Variants in ELF1 observed in about 807,000 individuals in gnomAD.
ELF1 encodes the protein E74 like ETS transcription factor 1.
Under a neutral mutation model 59.9 loss-of-function variants are expected in ELF1, and 24 were observed. The observed-to-expected ratio is 0.40, with a 90% CI of 0.29 to 0.56. The LOEUF (loss-of-function observed/expected upper bound fraction) is 0.56. Ranked by LOEUF, ELF1 falls within the 20% of genes least tolerant of loss-of-function variation. The pLI, the probability that ELF1 is intolerant of heterozygous loss-of-function variation, is 0.44. For synonymous variants in ELF1, 248 were observed against 266.2 expected (o/e 0.93, Z 0.67); for missense variants, 627 against 742.2 (o/e 0.84, Z 1.80).
intron 8 of ELF1, 119 bp from the exon 9 acceptor site, chr13:40,934,147 A>G (rs1323489545): frequency 7.5e-7 from 1 of 1,339,514 alleles, no homozygotes; most frequent in Admixed American, 2.6e-5. Context: ...GCTGCTTCCC[A>G]TATTTTCAAC....
At chr13:40,982,521 G>A (rs1488239109) in intron 1 of ELF1, among the ~76,000 whole-genome samples, 1 of 145,584 alleles carries the variant, frequency 6.9e-6, no homozygotes, top group Non-Finnish European at 1.5e-5. Context: ...CCACTCTCCA[G>A]TTAAACTACT....
intron 2 of ELF1, among the ~76,000 whole-genome samples, chr13:40,960,258 CCTTTTAAAAAGTTAAAAAAAAAT>C (rs1440994375): frequency 6.6e-6 from 1 of 152,000 alleles, no homozygotes; most frequent in Admixed American, 6.6e-5. Flanking sequence ...CCACTAATGT[CCTTTTAAAAAGTTAAAAAAAAAT>C]CTTTTTTGGT....
exon 1 of ELF1, chr13:41,061,093 T>A (rs1877590881): frequency 5.1e-6 from 1 of 194,554 alleles, no homozygotes; most frequent in African/African-American, 2.3e-5. Flanking sequence ...TCCCGCAGTT[T>A]CACCTCTTTT....
intron 1 of ELF1, among the ~76,000 whole-genome samples, chr13:41,033,682 C>T (rs895979173): frequency 3.3e-5 from 5 of 152,152 alleles, no homozygotes; most frequent in African/African-American, 9.7e-5. Flanking sequence ...TTACGTGCTC[C>T]TTATGAGAAT....
intron 1 of ELF1, among the ~76,000 whole-genome samples, chr13:40,995,827 T>C (rs1874101275): frequency 6.6e-6 from 1 of 152,162 alleles, no homozygotes; most frequent in African/African-American, 2.4e-5. Context: ...TTTTTATAGA[T>C]ACCAAATGCA....
Position 40,982,829 on chromosome 13 carries a change from T to C in ELF1, c.-228-547A>G, listed in dbSNP as rs1873355185. 4 of 980,912 alleles carry C rather than the reference T, an allele frequency of 4.1e-6. No individual in the cohort carries two copies. The South Asian group carries it at 1.9e-4, about 46-fold the overall frequency. 60.8% of individuals were successfully genotyped at this position (980,912 alleles called of 1,614,324 possible). ...ACTCTTTCTGTTCTTTAAAAAGGCT[T>C]CTGATAAGTAAAATGTTTTAAAAAT... is the stretch of plus-strand genomic sequence containing the variant. On this transcript the variant is annotated intron_variant, in intron 1 of 8. Coordinates refer to ENST00000239882, the MANE Select transcript of ELF1 (RefSeq NM_172373.4).
At chr13:40,950,412 C>G (rs1870780419) in intron 4 of ELF1, among the ~76,000 whole-genome samples, 1 of 152,184 alleles carries the variant, frequency 6.6e-6, no homozygotes, top group South Asian at 2.1e-4. Flanking sequence ...CCAAACCTAC[C>G]TTTCCAATCT....
chr13:41,028,023 A>C (rs1244995052), intron 1 of ELF1, among the ~76,000 whole-genome samples: 2 of 152,190 alleles, frequency 1.3e-5, no homozygotes, highest in Non-Finnish European at 1.5e-5. Context: ...TGAACTAAGG[A>C]ATACAAATAG....
At chr13:40,967,918 CTTTA>C (rs1475017801) in intron 2 of ELF1, among the ~76,000 whole-genome samples, 2 of 151,938 alleles carry the variant, frequency 1.3e-5, no homozygotes, top group Admixed American at 6.6e-5. Context: ...TTATTTTTTG[CTTTA>C]TTTATTATTT....
chr13:41,048,216 T>C (rs1876939750), intron 1 of ELF1, among the ~76,000 whole-genome samples: 1 of 152,228 alleles, frequency 6.6e-6, no homozygotes, highest in Non-Finnish European at 1.5e-5. Flanking sequence ...CCTGACCCCT[T>C]GCGCTTCCAG....
intron 1 of ELF1, among the ~76,000 whole-genome samples, chr13:40,998,643 A>AT (rs1409599909): frequency 6.6e-6 from 1 of 152,250 alleles, no homozygotes; most frequent in East Asian, 1.9e-4. Flanking sequence ...AATACCATTA[A>AT]TAAGTAAAAC....
chr13:40,982,158 G>A lies in ELF1; in HGVS notation c.-104C>T. The A allele has an allele frequency of 6.9e-7, 1 of 1,458,596 alleles. No individual in the cohort carries two copies. The highest frequency in any genetic ancestry group is 2.5e-5 in the East Asian group (1 of 39,256). 90.4% of individuals were successfully genotyped at this position (1,458,596 alleles called of 1,614,324 possible). A position where few individuals can be genotyped will look rare whatever the true frequency, so the allele number is the denominator to read the frequency against. On this transcript the variant is annotated 5_prime_UTR_variant, in exon 2 of 9. Transcript: ENST00000239882. ...ATTTGGGTAAAAAACCCTCAGCTCTGTCTGTGGAGTAATTGTATACCCAAG... is the reference window on the plus strand; with the variant it reads ...ATTTGGGTAAAAAACCCTCAGCTCTATCTGTGGAGTAATTGTATACCCAAG...
chr13:41,039,328 CCTTT>C (rs1376801685), intron 1 of ELF1, among the ~76,000 whole-genome samples: 1 of 116,178 alleles, frequency 8.6e-6, no homozygotes, highest in Non-Finnish European at 1.9e-5. Flanking sequence ...GACAAAAAGT[CCTTT>C]TTTTAAAAAA....
intron 1 of ELF1, among the ~76,000 whole-genome samples, chr13:40,997,391 G>A (rs1874185245): frequency 6.6e-6 from 1 of 151,990 alleles, no homozygotes; most frequent in South Asian, 2.1e-4. Flanking sequence ...CCGAGTAGCT[G>A]GGACTACAGG....
intron 5 of ELF1, among the ~76,000 whole-genome samples, chr13:40,947,788 C>T (rs1870596363): frequency 6.6e-6 from 1 of 152,180 alleles, no homozygotes. Context: ...AAGACACTTT[C>T]TGAGTGAGAA....
At chr13:41,012,352 G>C (rs1482422632) in intron 1 of ELF1, among the ~76,000 whole-genome samples, 1 of 144,858 alleles carries the variant, frequency 6.9e-6, no homozygotes, top group African/African-American at 2.5e-5. Flanking sequence ...TTATGAAACA[G>C]TTAAACCAAA....
At chr13:41,051,685 T>A (rs1053166662) in intron 1 of ELF1, among the ~76,000 whole-genome samples, 5 of 152,018 alleles carry the variant, frequency 3.3e-5, no homozygotes, top group African/African-American at 4.8e-5. Context: ...AAACTGCAAA[T>A]AAAGATTTAC....
rs1053054335 is a variant in ELF1 at position 40,950,968 on chromosome 13, A to T, written c.361+361T>A. On this transcript the variant is annotated intron_variant, in intron 4 of 8. Transcript: ENST00000239882. ...AATTTTATGCCATGATGTGTCAGTA[A>T]AATTTTCAATAGATTGTTGCCTATT... Among the ~76,000 whole-genome samples the T allele has an allele frequency of 2.6e-5, 4 of 152,238 alleles. No homozygotes were observed. In the South Asian group the frequency reaches 8.3e-4, roughly 31 times the overall value.
chr13:40,972,067 G>A (rs1333269652), intron 2 of ELF1, among the ~76,000 whole-genome samples: 1 of 152,088 alleles, frequency 6.6e-6, no homozygotes, highest in Non-Finnish European at 1.5e-5. Flanking sequence ...TAAACATGCA[G>A]ATTCCATATA....
Sources: allele counts gnomAD v4.1 joint callset (sites outside exome capture counted in the v4.1 genomes callset), GRCh38; gene constraint gnomAD v4.1.1; transcripts MANE v1.5; gene names NCBI Gene and HGNC (gene_info 2026-07-23, HGNC 2026-07-21).